The following KLF8 variants were observed in gnomAD, a reference collection of about 807,000 sequenced individuals.
The protein encoded by KLF8 is Krueppel-like factor 8.
In KLF8, 10 loss-of-function variants were observed where a neutral mutation model predicts 18.2. The ratio of observed to expected loss-of-function variants is 0.55; its 90% CI spans 0.34 to 0.93. The LOEUF is 0.93. KLF8 is among the 40% of genes least tolerant of loss of function. KLF8 has a pLI of 0.02. For missense variants in KLF8, 264 were observed against 277.9 expected (o/e 0.95, Z 0.36); for synonymous variants, 109 against 97.3 (o/e 1.12, Z -0.71).
At chrX:56,005,559 C>T in the KLF8 span, among the ~76,000 whole-genome samples, 8 of 112,130 alleles carry the variant, frequency 7.1e-5, no homozygotes, top group Non-Finnish European at 1.5e-4. Flanking sequence ...AGCCTTCATG[C>T]ACATGTTCGC....
At chrX:56,161,921 A>G in the KLF8 span, among the ~76,000 whole-genome samples, 1 of 111,073 alleles carries the variant, frequency 9.0e-6, no homozygotes, top group Non-Finnish European at 1.9e-5. Context: ...TTGGTCTTTG[A>G]TGATGGTGAC....
chrX:56,034,317 T>C, the KLF8 span, among the ~76,000 whole-genome samples: 1 of 112,139 alleles, frequency 8.9e-6, no homozygotes, highest in Non-Finnish European at 1.9e-5. Context: ...CAAAAATCAA[T>C]TGAATGAAAA....
the KLF8 span, among the ~76,000 whole-genome samples, chrX:56,171,989 A>C: frequency 1.8e-5 from 2 of 111,908 alleles, no homozygotes; most frequent in Non-Finnish European, 3.8e-5. Context: ...AGTCCCACCA[A>C]CAGTGTAAAA....
At chrX:56,019,300 G>C in the KLF8 span, among the ~76,000 whole-genome samples, 1 of 112,419 alleles carries the variant, frequency 8.9e-6, no homozygotes, top group East Asian at 2.8e-4. Context: ...ATGTTATTAA[G>C]CCACTCTTTA....
chrX:56,216,700 A>G, the KLF8 span, among the ~76,000 whole-genome samples: 1 of 110,406 alleles, frequency 9.1e-6, no homozygotes, highest in Admixed American at 9.7e-5. Flanking sequence ...GGATCACTAT[A>G]AACTCCTGTA....
the KLF8 span, among the ~76,000 whole-genome samples, chrX:56,062,542 C>G: frequency 8.9e-6 from 1 of 112,200 alleles, no homozygotes; most frequent in Non-Finnish European, 1.9e-5. Context: ...AGGGTTTCTG[C>G]AGAGAGATCT....
the KLF8 span, among the ~76,000 whole-genome samples, chrX:56,037,255 G>A: frequency 9.0e-6 from 1 of 111,367 alleles, no homozygotes; most frequent in East Asian, 2.8e-4. Flanking sequence ...TTGCATTCCT[G>A]GAATAAATCC....
chrX:56,047,044 G>A, the KLF8 span, among the ~76,000 whole-genome samples: 1 of 104,922 alleles, frequency 9.5e-6, no homozygotes, highest in African/African-American at 4.0e-5. Context: ...ACTTCTTGGA[G>A]GCTTTGTTCA....
the KLF8 span, among the ~76,000 whole-genome samples, chrX:56,118,119 C>T: frequency 1.8e-5 from 2 of 111,529 alleles, no homozygotes; most frequent in South Asian, 7.6e-4. Context: ...AGGATTTCAA[C>T]ATAAGAATGA....
the KLF8 span, among the ~76,000 whole-genome samples, chrX:55,939,048 A>C: frequency 4.4e-3 from 496 of 112,119 alleles, 1 homozygote; most frequent in Middle Eastern, 0.014. Flanking sequence ...ACAGAACTCT[A>C]CACCCCAAAT....
At chrX:56,098,900 C>G in the KLF8 span, among the ~76,000 whole-genome samples, 1 of 111,876 alleles carries the variant, frequency 8.9e-6, no homozygotes, top group Non-Finnish European at 1.9e-5. Context: ...GATACAAAAT[C>G]AACATACAAA....
At chrX:56,019,904 G>C in the KLF8 span, among the ~76,000 whole-genome samples, 1 of 111,592 alleles carries the variant, frequency 9.0e-6, no homozygotes, top group Non-Finnish European at 1.9e-5. Context: ...TTGGAGGCCT[G>C]TGAGGCCATT....
the KLF8 span, among the ~76,000 whole-genome samples, chrX:56,125,256 C>T: frequency 1.2e-4 from 13 of 111,975 alleles, no homozygotes; most frequent in African/African-American, 4.2e-4. Flanking sequence ...TTTGCCTAAC[C>T]TCTGAAAACA....
the KLF8 span, among the ~76,000 whole-genome samples, chrX:56,042,514 G>C: frequency 6.3e-5 from 7 of 111,441 alleles, 1 homozygote; most frequent in South Asian, 2.6e-3. Flanking sequence ...CTTGAGTCTG[G>C]ATGCTCCTGG....
the KLF8 span, among the ~76,000 whole-genome samples, chrX:56,047,187 G>C: frequency 1.4e-3 from 149 of 103,276 alleles, 1 homozygote; most frequent in East Asian, 0.041. Flanking sequence ...ATTTCTCTAA[G>C]TGTGTCCTTG....
chrX:56,264,297 T>A (rs2066928822), intron 2 of KLF8, among the ~76,000 whole-genome samples: 1 of 111,481 alleles, frequency 9.0e-6, no homozygotes, highest in Non-Finnish European at 1.9e-5. Flanking sequence ...TAAAAACTAT[T>A]AGTTTTTTAA....
chrX:55,998,808 A>T, the KLF8 span, among the ~76,000 whole-genome samples: 1 of 67,725 alleles, frequency 1.5e-5, no homozygotes, highest in African/African-American at 4.0e-5. Flanking sequence ...TTGGTCTTTT[A>T]ATTTTTTTTT....
intron 1 of KLF8, among the ~76,000 whole-genome samples, chrX:56,241,903 A>G (rs1290917517): frequency 8.9e-6 from 1 of 112,484 alleles, no homozygotes; most frequent in Non-Finnish European, 1.9e-5. Flanking sequence ...TGTTTCTATA[A>G]TACCTTTAAA....
At position 56,233,161 on chromosome X, in the gene KLF8, G is replaced by A. The variant is rs1266371080; in HGVS notation, c.-174G>A. 1 of 534,175 alleles carries A rather than the reference G, an allele frequency of 1.9e-6. No individual in the cohort carries two copies. The highest frequency in any genetic ancestry group is 2.3e-5 in the African/African-American group (1 of 43,434). 44.0% of individuals were successfully genotyped at this position (534,175 alleles called of 1,213,427 possible). On this transcript the variant is annotated 5_prime_UTR_variant, in exon 1 of 6. Transcript: ENST00000468660. Reference sequence around the variant, plus strand: ...CGACCCCCTCCTCATTTTCCAGCCCGGAGAAATAGGGGAGTGGGGGCCCAA... The same window carrying A: ...CGACCCCCTCCTCATTTTCCAGCCCAGAGAAATAGGGGAGTGGGGGCCCAA...
Sources: allele counts gnomAD v4.1 joint callset (sites outside exome capture counted in the v4.1 genomes callset), GRCh38; gene constraint gnomAD v4.1.1; transcripts MANE v1.5; gene names NCBI Gene and HGNC (gene_info 2026-07-23, HGNC 2026-07-21).